Variants in FAT3 observed in about 807,000 individuals in gnomAD.
FAT3 encodes the protein protocadherin Fat 3.
In FAT3, 95 loss-of-function variants were observed where a neutral mutation model predicts 310.2. The ratio of observed to expected loss-of-function variants is 0.31; its 90% CI spans 0.26 to 0.36. The LOEUF is 0.36. Ranked by LOEUF, FAT3 falls within the 10% of genes least tolerant of loss-of-function variation. The pLI is 1.00. For synonymous variants in FAT3, 2,314 were observed against 2,192.9 expected (o/e 1.06, Z -1.54); for missense variants, 5,408 against 5,715.6 (o/e 0.95, Z 1.74).
chr11:92,415,375 G>T (rs1950384747), intron 2 of FAT3, among the ~76,000 whole-genome samples: 1 of 152,180 alleles, frequency 6.6e-6, no homozygotes, highest in Admixed American at 6.5e-5. Flanking sequence ...ATGTTTGTGT[G>T]TTCTTGGCAT....
chr11:92,840,220 G>A (rs760334334), intron 17 of FAT3, among the ~76,000 whole-genome samples: 4 of 152,252 alleles, frequency 2.6e-5, no homozygotes, highest in South Asian at 4.2e-4. Context: ...AGGTCAGCTC[G>A]GGCATTGCCA....
At chr11:92,599,238 G>A (rs1235546955) in intron 3 of FAT3, among the ~76,000 whole-genome samples, 2 of 152,134 alleles carry the variant, frequency 1.3e-5, no homozygotes, top group African/African-American at 2.4e-5. Flanking sequence ...GCATGGCTGG[G>A]GAGGCCTCAG....
rs1379542018 is a variant in FAT3 at position 92,801,834 on chromosome 11, G to A, written c.8821G>A (p.Glu2941Lys). The A allele has an allele frequency of 6.2e-6, 10 of 1,613,848 alleles. No individual in the cohort carries two copies. Among genetic ancestry groups the A allele is most frequent in the Admixed American group, 3.3e-5 (2 of 60,004 alleles). Residue 2941 changes from glutamate (E) to lysine (K), a missense_variant, in exon 10 of 28, where the codon GAG becomes AAG. By Grantham distance (56) the Glu-to-Lys change is moderately conservative. Transcript: ENST00000525166. ...GNVKESDPPG[E>K]VVAVLSTWDR... The stretch of plus-strand genomic sequence containing the variant: ...TGTGAAGGAGAGCGACCCACCGGGC[G>A]AGGTGGTAGCCGTCCTCAGCACCTG...
At chr11:92,802,260 CT>C (rs35042806) in intron 10 of FAT3, among the ~76,000 whole-genome samples, 9 of 152,092 alleles carry the variant, frequency 5.9e-5, no homozygotes, top group Admixed American at 5.9e-4. Context: ...AAGCATGTTC[CT>C]TTTTTCTACC....
At chr11:92,656,459 G>T (rs545457762) in intron 3 of FAT3, among the ~76,000 whole-genome samples, 2 of 152,298 alleles carry the variant, frequency 1.3e-5, no homozygotes, top group Admixed American at 1.3e-4. Flanking sequence ...TATGTAGGAA[G>T]TTTTTATAAT....
intron 1 of FAT3, among the ~76,000 whole-genome samples, chr11:92,282,755 C>T (rs1382011096): frequency 6.6e-6 from 1 of 151,738 alleles, no homozygotes; most frequent in Non-Finnish European, 1.5e-5. Context: ...GTGTACGAAA[C>T]ATCTTGTTTT....
rs1949956036 is a variant in FAT3 at position 92,893,254 on chromosome 11, C to T, written c.*2141C>T. On this transcript the variant is annotated 3_prime_UTR_variant, in exon 28 of 28. Transcript: ENST00000525166. ...AGCCTTTCTCTTCCTGTCTCTTGGT[C>T]AGACCTACTCATGGAGGTATTATCC... The T allele has an allele frequency of 1.3e-5, 2 of 152,156 alleles. No homozygotes were observed. The highest frequency in any genetic ancestry group is 2.4e-5 in the African/African-American group (1 of 41,432). The allele number at this position is 152,156 out of a possible 1,614,324, so 9.4% of individuals were successfully genotyped here. A position where few individuals can be genotyped will look rare whatever the true frequency, so the allele number is the denominator to read the frequency against.
intron 21 of FAT3, among the ~76,000 whole-genome samples, chr11:92,860,917 C>A (rs963437871): frequency 1.3e-5 from 2 of 152,186 alleles, no homozygotes; most frequent in African/African-American, 4.8e-5. Flanking sequence ...TCTCCTTATT[C>A]ATTCAACTCA....
chr11:92,687,106 G>T (rs1591608425), intron 3 of FAT3, among the ~76,000 whole-genome samples: 1 of 152,082 alleles, frequency 6.6e-6, no homozygotes, highest in South Asian at 2.1e-4. Context: ...GCACCCCAGG[G>T]CTATTAGGGT....
At chr11:92,468,712 G>A (rs528541230) in intron 2 of FAT3, among the ~76,000 whole-genome samples, 69 of 152,222 alleles carry the variant, frequency 4.5e-4, no homozygotes, top group African/African-American at 1.4e-3. Context: ...TCTTCATCTG[G>A]CAGCAGCAAG....
intron 1 of FAT3, chr11:92,336,343 T>A (rs1286704668): frequency 2.4e-6 from 1 of 416,806 alleles, no homozygotes; most frequent in East Asian, 5.9e-5. Context: ...CAATGTACGG[T>A]CAGTTCCGGG....
chr11:92,574,747 A>G (rs758841771), intron 3 of FAT3, among the ~76,000 whole-genome samples: 2 of 152,130 alleles, frequency 1.3e-5, no homozygotes, highest in Non-Finnish European at 2.9e-5. Context: ...ATTGATTGCT[A>G]TTTTTAGTAT....
chr11:92,303,945 A>G (rs1366687894), intron 1 of FAT3, among the ~76,000 whole-genome samples: 1 of 152,144 alleles, frequency 6.6e-6, no homozygotes, highest in Admixed American at 6.6e-5. Flanking sequence ...TTGTGTGGTT[A>G]CAAAAAGATT....
chr11:92,311,208 A>G (rs1190535020), intron 1 of FAT3, among the ~76,000 whole-genome samples: 1 of 152,176 alleles, frequency 6.6e-6, no homozygotes, highest in Non-Finnish European at 1.5e-5. Context: ...TTTCAAAAAC[A>G]GATTGCCCAT....
At chr11:92,582,712 A>G (rs1206087259) in intron 3 of FAT3, among the ~76,000 whole-genome samples, 7 of 152,152 alleles carry the variant, frequency 4.6e-5, no homozygotes, top group African/African-American at 1.2e-4. Flanking sequence ...ATACTGTGAC[A>G]TGGCATTCTT....
chr11:92,412,769 T>TA (rs2134934665), intron 2 of FAT3, among the ~76,000 whole-genome samples: 1 of 47,838 alleles, frequency 2.1e-5, no homozygotes. Context: ...ATATATATAT[T>TA]TAATGTAAGA....
intron 2 of FAT3, among the ~76,000 whole-genome samples, chr11:92,355,912 C>T (rs185100553): frequency 3.9e-5 from 6 of 152,212 alleles, no homozygotes; most frequent in African/African-American, 1.2e-4. Flanking sequence ...GAATGATGGG[C>T]ATTTGCACTC....
chr11:92,806,103 G>A (rs1028354576), intron 11 of FAT3, among the ~76,000 whole-genome samples: 3 of 152,272 alleles, frequency 2.0e-5, no homozygotes, highest in East Asian at 1.9e-4. Context: ...TTTCTTTGCC[G>A]TGGTACTCTT....
intron 4 of FAT3, among the ~76,000 whole-genome samples, chr11:92,722,980 C>T (rs1239411579): frequency 6.6e-6 from 1 of 152,162 alleles, no homozygotes; most frequent in African/African-American, 2.4e-5. Context: ...CCTTGAAGAC[C>T]TCTGACATGC....
Sources: allele counts gnomAD v4.1 joint callset (sites outside exome capture counted in the v4.1 genomes callset), GRCh38; gene constraint gnomAD v4.1.1; transcripts MANE v1.5; gene names NCBI Gene and HGNC (gene_info 2026-07-23, HGNC 2026-07-21).